Variants in ASTN1 observed in about 807,000 individuals in gnomAD.
ASTN1 encodes astrotactin-1.
A neutral mutation model predicts 140.7 loss-of-function variants in ASTN1; 41 were observed. That is an observed-to-expected ratio of 0.29 (90% CI 0.23 to 0.38). ASTN1 has a LOEUF of 0.38. Ranked by LOEUF, ASTN1 falls within the 10% of genes least tolerant of loss-of-function variation. ASTN1 has a pLI of 1.00. For synonymous variants in ASTN1, 640 were observed against 652.2 expected, an observed-to-expected ratio of 0.98 and a Z score of 0.29; for missense variants, 1,479 against 1,678.8, an observed-to-expected ratio of 0.88 and a Z score of 2.08.
chr1:177,137,343 C>A (rs538677360), intron 1 of ASTN1, among the ~76,000 whole-genome samples: 1 of 152,174 alleles, frequency 6.6e-6, no homozygotes, highest in South Asian at 2.1e-4. Flanking sequence ...AGAATAGGTC[C>A]TCATCACAGG....
At chr1:176,900,316 T>C (rs1669710766) in intron 16 of ASTN1, among the ~76,000 whole-genome samples, 1 of 152,142 alleles carries the variant, frequency 6.6e-6, no homozygotes, top group Non-Finnish European at 1.5e-5. Context: ...ACTCAACATG[T>C]CCCAAACTGT....
chr1:176,936,504 T>C, intron 14 of ASTN1, 134 bp from the exon 15 acceptor site: 1 of 701,744 alleles, frequency 1.4e-6, no homozygotes, highest in Non-Finnish European at 2.4e-6. Flanking sequence ...ATGAAGAGAA[T>C]TTCTGGAACC....
chr1:177,109,001 A>AAAAAAG (rs961284836), intron 1 of ASTN1, among the ~76,000 whole-genome samples: 18 of 152,232 alleles, frequency 1.2e-4, no homozygotes, highest in African/African-American at 3.9e-4. Flanking sequence ...AAAGCACGCA[A>AAAAAAG]AAAAAGAAAA....
chr1:176,949,687 G>A (rs1054810044), intron 11 of ASTN1, among the ~76,000 whole-genome samples: 1 of 152,214 alleles, frequency 6.6e-6, no homozygotes, highest in Admixed American at 6.5e-5. Flanking sequence ...GAAGTGATGG[G>A]CCAGAATGAA....
At chr1:176,880,898 G>T (rs1357398616) in intron 20 of ASTN1, among the ~76,000 whole-genome samples, 2 of 152,216 alleles carry the variant, frequency 1.3e-5, no homozygotes, top group Admixed American at 1.3e-4. Context: ...TAATCTCACA[G>T]AGTCAGAGGG....
chr1:177,140,243 T>G (rs566965913), intron 1 of ASTN1, among the ~76,000 whole-genome samples: 1 of 152,314 alleles, frequency 6.6e-6, no homozygotes, highest in African/African-American at 2.4e-5. Context: ...GAAGCCACCA[T>G]GGTTGAAAAG....
At chr1:177,157,291 CTTT>C (rs200802598) in intron 1 of ASTN1, among the ~76,000 whole-genome samples, 3 of 151,518 alleles carry the variant, frequency 2.0e-5, no homozygotes, top group East Asian at 1.9e-4. Context: ...TAAAACTGTT[CTTT>C]TTGTTGTTGT....
In ASTN1 at chr1:177,164,473, G is replaced by A; in HGVS notation, c.204C>T (p.Phe68=). 1 of 1,614,012 alleles carries A rather than the reference G, an allele frequency of 6.2e-7. No individual in the cohort carries two copies. The highest frequency in any genetic ancestry group is 1.1e-5 in the South Asian group (1 of 91,040). ...SPSASEPKLL[F]SVRNDFPGEM... is the part of the protein sequence containing the mutation. Reference sequence around the variant, plus strand: ...CTCCCGGGAAGTCGTTGCGCACCGAGAAGAGGAGCTTGGGCTCCGAGGCCG... The same window carrying A: ...CTCCCGGGAAGTCGTTGCGCACCGAAAAGAGGAGCTTGGGCTCCGAGGCCG... Residue 68 remains phenylalanine (F), a synonymous_variant, in exon 1 of 23, where the codon TTC becomes TTT. Transcript: ENST00000361833.
chr1:176,903,986 C>G (rs1292947225), intron 16 of ASTN1, among the ~76,000 whole-genome samples: 4 of 152,204 alleles, frequency 2.6e-5, no homozygotes, highest in African/African-American at 9.7e-5. Context: ...TTCTGTGTGT[C>G]TGTGTCCAAA....
At chr1:176,960,702 C>T (rs1424405964) in intron 9 of ASTN1, among the ~76,000 whole-genome samples, 1 of 152,204 alleles carries the variant, frequency 6.6e-6, no homozygotes, top group East Asian at 1.9e-4. Flanking sequence ...TTTCACCAAA[C>T]CCTGGGTCAC....
intron 8 of ASTN1, among the ~76,000 whole-genome samples, chr1:176,971,558 C>A (rs1050825924): frequency 2.6e-5 from 4 of 152,184 alleles, no homozygotes; most frequent in Non-Finnish European, 4.4e-5. Flanking sequence ...ACAACTTATA[C>A]TATTCTTAAA....
In ASTN1 at chr1:176,875,762, C is replaced by T. The variant is rs550539371; in HGVS notation, c.3463+775G>A. Among the ~76,000 whole-genome samples, 3 of 152,298 alleles carry T rather than the reference C, an allele frequency of 2.0e-5. No individual in the cohort carries two copies. In the East Asian group the frequency reaches 5.8e-4, roughly 29 times the overall value. ...CAGCATCAATGTCTTTGTTAATATG[C>T]AAATGCTATCCGTTCAATACTACCA... On this transcript the variant is annotated intron_variant, in intron 21 of 22. Coordinates refer to ENST00000361833, the MANE Select transcript of ASTN1 (RefSeq NM_004319.3).
chr1:176,996,644 A>G (rs1173187414), intron 8 of ASTN1, among the ~76,000 whole-genome samples: 1 of 152,068 alleles, frequency 6.6e-6, no homozygotes, highest in Non-Finnish European at 1.5e-5. Flanking sequence ...GACTTAATAC[A>G]CGTGTAGGTT....
At position 176,863,957 on chromosome 1, in the gene ASTN1, G is replaced by A. The variant is rs1013011780; in HGVS notation, c.*327C>T. On this transcript the variant is annotated 3_prime_UTR_variant, in exon 23 of 23. Transcript: ENST00000361833. ...TTAATAGACTTTTCATGGGGAGCAC[G>A]GCAGAGCTCTTGAGCATTTTGGTAA... is the stretch of plus-strand genomic sequence containing the variant. 4.5e-6 allele frequency: 5 copies of A among 1,116,222 alleles called. No individual in the cohort carries two copies. In the African/African-American group the frequency reaches 4.9e-5, roughly 11 times the overall value. 69.1% of individuals were successfully genotyped at this position (1,116,222 alleles called of 1,614,324 possible). A position where few individuals can be genotyped will look rare whatever the true frequency, so the allele number is the denominator to read the frequency against.
At chr1:177,038,486 A>G (rs567523333) in intron 2 of ASTN1, among the ~76,000 whole-genome samples, 1 of 152,248 alleles carries the variant, frequency 6.6e-6, no homozygotes, top group Non-Finnish European at 1.5e-5. Flanking sequence ...GGGAGGAAGG[A>G]AAGAAGGAAG....
chr1:177,075,298 T>C (rs918930359), intron 1 of ASTN1, among the ~76,000 whole-genome samples: 1 of 152,026 alleles, frequency 6.6e-6, no homozygotes, highest in Non-Finnish European at 1.5e-5. Context: ...GGTCTCAAAC[T>C]CCTGACCTCG....
chr1:176,868,578 A>C (rs1310184285), intron 22 of ASTN1, among the ~76,000 whole-genome samples: 2 of 152,228 alleles, frequency 1.3e-5, no homozygotes, highest in Non-Finnish European at 2.9e-5. Flanking sequence ...ATGCAATGTC[A>C]ACATGATAAA....
At chr1:177,057,479 TA>T (rs1157127759) in intron 2 of ASTN1, among the ~76,000 whole-genome samples, 1 of 152,154 alleles carries the variant, frequency 6.6e-6, no homozygotes, top group Non-Finnish European at 1.5e-5. Flanking sequence ...GAAATATGGA[TA>T]AAAAAGTATA....
intron 8 of ASTN1, among the ~76,000 whole-genome samples, chr1:177,013,902 A>G (rs1675415346): frequency 6.6e-6 from 1 of 152,182 alleles, no homozygotes; most frequent in African/African-American, 2.4e-5. Flanking sequence ...AATAGAGGGC[A>G]GGGCACAGTG....
Sources: allele counts gnomAD v4.1 joint callset (sites outside exome capture counted in the v4.1 genomes callset), GRCh38; gene constraint gnomAD v4.1.1; transcripts MANE v1.5; gene names NCBI Gene and HGNC (gene_info 2026-07-23, HGNC 2026-07-21).